OSBPL10: variants seen among roughly 807,000 people sequenced by gnomAD.
OSBPL10 encodes the protein oxysterol binding protein like 10.
Under a neutral mutation model 81.7 loss-of-function variants are expected in OSBPL10, and 49 were observed. The ratio of observed to expected loss-of-function variants is 0.60; its 90% confidence interval spans 0.48 to 0.76. The LOEUF (loss-of-function observed/expected upper bound fraction) is 0.76. Ranked by LOEUF, OSBPL10 falls within the 30% of genes least tolerant of loss-of-function variation. OSBPL10 has a pLI of 0.00. For missense variants in OSBPL10, 923 were observed against 987.8 expected (o/e 0.93, Z 0.88); for synonymous variants, 419 against 383.6 (o/e 1.09, Z -1.08).
chr3:31,970,118 C>A (rs1219249262), intron 1 of OSBPL10, among the ~76,000 whole-genome samples: 1 of 152,182 alleles, frequency 6.6e-6, no homozygotes, highest in Admixed American at 6.5e-5. Context: ...ATTAACTGTG[C>A]AGTCTATGTC....
intron 1 of OSBPL10, among the ~76,000 whole-genome samples, chr3:31,893,660 T>C (rs1695967763): frequency 6.6e-6 from 1 of 152,038 alleles, no homozygotes; most frequent in Non-Finnish European, 1.5e-5. Context: ...ATAAAGAAAA[T>C]GTGGCATATC....
intron 3 of OSBPL10, among the ~76,000 whole-genome samples, chr3:31,856,069 T>C (rs1030212196): frequency 7.4e-6 from 1 of 134,446 alleles, no homozygotes; most frequent in African/African-American, 2.8e-5. Flanking sequence ...ATGTTTATAT[T>C]ACACACACAC....
chr3:31,900,354 A>G (rs1696199087), intron 1 of OSBPL10, among the ~76,000 whole-genome samples: 1 of 152,096 alleles, frequency 6.6e-6, no homozygotes, highest in African/African-American at 2.4e-5. Flanking sequence ...AAAACAAACC[A>G]TTTACCATAT....
chr3:31,813,115 CTG>C (rs1248711270), intron 4 of OSBPL10, among the ~76,000 whole-genome samples: 1 of 152,172 alleles, frequency 6.6e-6, no homozygotes, highest in Admixed American at 6.5e-5. Context: ...TATTTTAAGA[CTG>C]TTATCCTTGG....
At chr3:31,963,440 C>G (rs1314304436) in intron 1 of OSBPL10, among the ~76,000 whole-genome samples, 1 of 152,152 alleles carries the variant, frequency 6.6e-6, no homozygotes, top group Non-Finnish European at 1.5e-5. Context: ...TGATTAAATA[C>G]TATTACTTAA....
intron 4 of OSBPL10, among the ~76,000 whole-genome samples, chr3:31,801,643 GA>G (rs1699381499): frequency 6.6e-6 from 1 of 152,160 alleles, no homozygotes; most frequent in South Asian, 2.1e-4. Flanking sequence ...TCCGTGTCCT[GA>G]AAGGTTACAC....
At chr3:31,689,228 C>T (rs962448632) in intron 7 of OSBPL10, among the ~76,000 whole-genome samples, 6 of 151,936 alleles carry the variant, frequency 3.9e-5, no homozygotes, top group African/African-American at 9.7e-5. Flanking sequence ...GGGAAAAAGG[C>T]GGGGAATTTT....
chr3:31,968,802 G>A (rs1698476891), intron 1 of OSBPL10, among the ~76,000 whole-genome samples: 1 of 152,176 alleles, frequency 6.6e-6, no homozygotes, highest in Non-Finnish European at 1.5e-5. Flanking sequence ...GTGTTATGAT[G>A]TACTTTGGGC....
intron 5 of OSBPL10, among the ~76,000 whole-genome samples, chr3:31,742,894 C>A (rs1231444913): frequency 6.6e-6 from 1 of 152,122 alleles, no homozygotes; most frequent in Non-Finnish European, 1.5e-5. Flanking sequence ...AGGCACACAT[C>A]TAGGCTGAAG....
At position 32,061,218 on chromosome 3, in the gene OSBPL10, C is replaced by T. The variant is rs1281498005; in HGVS notation, n.186-14615G>A. On this transcript the variant is annotated intron_variant and non_coding_transcript_variant, in intron 1 of 3. Coordinates refer to the OSBPL10 transcript ENST00000479173. ...CCTGAGCACCCCACAGCTCCCCTCT[C>T]ACCTTATTGTAACTCTTTGTTTAAT... 4.4e-5 allele frequency among the ~76,000 whole-genome samples: 4 copies of T among 91,334 alleles called. 1 individual carries two copies. The highest frequency in any genetic ancestry group is 1.2e-4 in the Non-Finnish European group (4 of 34,358). The allele number at this position is 91,334 out of a possible 152,430, so 59.9% of individuals were successfully genotyped here.
chr3:31,747,286 C>G (rs887749247), intron 5 of OSBPL10, among the ~76,000 whole-genome samples: 4 of 151,736 alleles, frequency 2.6e-5, no homozygotes, highest in Non-Finnish European at 5.9e-5. Flanking sequence ...CCACTGCACT[C>G]CAGCCTGGGC....
intron 1 of OSBPL10, among the ~76,000 whole-genome samples, chr3:31,955,276 A>G (rs1418178012): frequency 6.6e-6 from 1 of 152,228 alleles, no homozygotes; most frequent in Non-Finnish European, 1.5e-5. Flanking sequence ...ATCTGGTCTT[A>G]CCATCACAAC....
chr3:31,859,839 TAGTA>T (rs2125594347), intron 3 of OSBPL10, among the ~76,000 whole-genome samples: 1 of 152,318 alleles, frequency 6.6e-6, no homozygotes, highest in South Asian at 2.1e-4. Context: ...CCTTACCTTG[TAGTA>T]TAATCACATT....
At chr3:31,720,125 G>A (rs1696587388) in intron 6 of OSBPL10, among the ~76,000 whole-genome samples, 1 of 151,340 alleles carries the variant, frequency 6.6e-6, no homozygotes. Context: ...AAGACACACA[G>A]TAGCTCCTTC....
chr3:31,768,614 T>G (rs1372866232), intron 4 of OSBPL10, among the ~76,000 whole-genome samples: 3 of 152,170 alleles, frequency 2.0e-5, no homozygotes, highest in African/African-American at 7.2e-5. Context: ...AATTGGCCTA[T>G]GTTCATGTAA....
intron 4 of OSBPL10, among the ~76,000 whole-genome samples, chr3:31,824,825 A>G (rs1340874161): frequency 6.6e-6 from 1 of 152,164 alleles, no homozygotes; most frequent in Admixed American, 6.5e-5. Flanking sequence ...ATATCATCCC[A>G]TCTCACTCGA....
chr3:31,913,251 T>G (rs574142758), intron 1 of OSBPL10, among the ~76,000 whole-genome samples: 34 of 151,386 alleles, frequency 2.2e-4, no homozygotes, highest in Non-Finnish European at 4.9e-4. Context: ...TTTTGTTTTT[T>G]GTTTTTTTTT....
At chr3:31,999,886 C>G (rs1218306286) in intron 2 of OSBPL10, among the ~76,000 whole-genome samples, 1 of 152,080 alleles carries the variant, frequency 6.6e-6, no homozygotes, top group Admixed American at 6.6e-5. Flanking sequence ...GAAAACCGAA[C>G]CTTAAAAAGG....
intron 6 of OSBPL10, among the ~76,000 whole-genome samples, chr3:31,730,340 A>C (rs1696935541): frequency 6.6e-6 from 1 of 151,342 alleles, no homozygotes; most frequent in Non-Finnish European, 1.5e-5. Context: ...CAAAAAAAAA[A>C]TCTCCAAAAA....
Sources: allele counts gnomAD v4.1 joint callset (sites outside exome capture counted in the v4.1 genomes callset), GRCh38; gene constraint gnomAD v4.1.1; transcripts MANE v1.5; gene names NCBI Gene and HGNC (gene_info 2026-07-23, HGNC 2026-07-21).